The following RALYL variants were observed in gnomAD, a reference collection of about 807,000 sequenced individuals.
RALYL encodes RALY RNA binding protein like, also known as RNA-binding Raly-like protein.
RALYL carries 29 observed loss-of-function variants against 35.1 expected under a neutral mutation model. The observed-to-expected ratio is 0.83, with a 90% CI of 0.61 to 1.13. The LOEUF (loss-of-function observed/expected upper bound fraction) is 1.13, where lower values mean the gene tolerates loss of function less well. Among genes scored for constraint, RALYL ranks in the 50% most tolerant of loss-of-function variants. The probability of loss-of-function intolerance (pLI) is 0.00; values close to 1 mark genes in which losing one functional copy is unlikely to be tolerated. For missense variants in RALYL, 359 were observed against 360.4 expected, an observed-to-expected ratio of 1.00 and a Z score of 0.03; for synonymous variants, 120 against 127.6, an observed-to-expected ratio of 0.94 and a Z score of 0.40.
chr8:84,372,856 C>A (rs772612332), intron 1 of RALYL, among the ~76,000 whole-genome samples: 19 of 128,894 alleles, frequency 1.5e-4, no homozygotes, highest in Non-Finnish European at 2.5e-4. Context: ...TGTAAGTGTT[C>A]CCTTTTTCTC....
rs10504794 is a variant in RALYL, at chr8:84,237,348, C to G, written c.-24+52924C>G. Among the ~76,000 whole-genome samples the G allele has an allele frequency of 2.0e-5, 3 of 152,024 alleles. No homozygotes were observed. In the South Asian group the frequency reaches 6.2e-4, roughly 32 times the overall value. On this transcript the variant is annotated intron_variant, in intron 1 of 8. Transcript: ENST00000521268. ...GTACTAGAGAATCCTAAGGAAGAAT[C>G]TTAAAGGTATGCAGAGCAGAAGTGA...
intron 1 of RALYL, among the ~76,000 whole-genome samples, chr8:84,359,239 CT>C (rs5892912): frequency 0.68 from 99,245 of 146,988 alleles, 34,749 homozygotes; most frequent in African/African-American, 0.89. Context: ...ATTTTGAGAG[CT>C]TTTTTTTTTT....
Position 84,392,938 on chromosome 8 carries a change from A to G in RALYL, c.-23-136361A>G, listed in dbSNP as rs936807923. 5.9e-5 allele frequency among the ~76,000 whole-genome samples: 9 copies of G among 152,204 alleles called. No individual in the cohort carries two copies. The East Asian group carries it at 1.5e-3, about 26-fold the overall frequency. ...AATGTTATTCATTCACTGTTAGTCAATTGGCATTAAAGTGTTGCTTTCTGT... is the reference window on the plus strand; with the variant it reads ...AATGTTATTCATTCACTGTTAGTCAGTTGGCATTAAAGTGTTGCTTTCTGT... On this transcript the variant is annotated intron_variant, in intron 1 of 8. Coordinates refer to ENST00000521268, the MANE Select transcript of RALYL (RefSeq NM_173848.7).
At chr8:84,875,611 C>T (rs1278170347) in intron 7 of RALYL, among the ~76,000 whole-genome samples, 7 of 151,918 alleles carry the variant, frequency 4.6e-5, no homozygotes, top group African/African-American at 1.7e-4. Flanking sequence ...TAACTCCATT[C>T]TTTTAGTAAT....
intron 1 of RALYL, among the ~76,000 whole-genome samples, chr8:84,235,055 G>C: frequency 1.3e-5 from 2 of 152,134 alleles, no homozygotes; most frequent in South Asian, 4.1e-4. Context: ...GAGCCACCGC[G>C]CCGGGCCTAA....
intron 1 of RALYL, among the ~76,000 whole-genome samples, chr8:84,366,967 T>C (rs1854438231): frequency 6.6e-6 from 1 of 151,766 alleles, no homozygotes; most frequent in Non-Finnish European, 1.5e-5. Context: ...CCTAACATAC[T>C]AATATCTTAG....
chr8:84,361,444 A>G (rs902167759), intron 1 of RALYL, among the ~76,000 whole-genome samples: 1 of 152,174 alleles, frequency 6.6e-6, no homozygotes, highest in Admixed American at 6.5e-5. Flanking sequence ...TTGTACAGAG[A>G]AGAAACTGGG....
At chr8:84,476,660 T>G (rs569586848) in intron 1 of RALYL, among the ~76,000 whole-genome samples, 1 of 152,334 alleles carries the variant, frequency 6.6e-6, no homozygotes, top group East Asian at 1.9e-4. Context: ...TTGCCAAATT[T>G]CTCAAATAAT....
chr8:84,322,336 G>A (rs1237751849), intron 1 of RALYL, among the ~76,000 whole-genome samples: 1 of 151,826 alleles, frequency 6.6e-6, no homozygotes, highest in Non-Finnish European at 1.5e-5. Context: ...AAATAATTTT[G>A]GCAGAAAAAA....
intron 1 of RALYL, among the ~76,000 whole-genome samples, chr8:84,429,545 A>T (rs2046917626): frequency 6.6e-6 from 1 of 152,082 alleles, no homozygotes; most frequent in Admixed American, 6.6e-5. Flanking sequence ...AAAAACACAG[A>T]TACAGATACA....
chr8:84,604,430 A>G (rs953693327), intron 2 of RALYL, among the ~76,000 whole-genome samples: 1 of 152,128 alleles, frequency 6.6e-6, no homozygotes, highest in Admixed American at 6.6e-5. Context: ...CCTCCGTGCA[A>G]CTGTGAGGCT....
At chr8:84,857,953 T>C (rs1276070987) in intron 5 of RALYL, among the ~76,000 whole-genome samples, 1 of 152,150 alleles carries the variant, frequency 6.6e-6, no homozygotes, top group Non-Finnish European at 1.5e-5. Context: ...GCTTTGTTAA[T>C]ATGCCTTTGT....
At chr8:84,660,009 G>C (rs1830615243) in intron 2 of RALYL, among the ~76,000 whole-genome samples, 1 of 152,086 alleles carries the variant, frequency 6.6e-6, no homozygotes, top group Non-Finnish European at 1.5e-5. Context: ...TACCAATAGG[G>C]AGAGAATAAT....
intron 3 of RALYL, among the ~76,000 whole-genome samples, chr8:84,802,627 C>G (rs1319568890): frequency 6.6e-6 from 1 of 152,078 alleles, no homozygotes; most frequent in Non-Finnish European, 1.5e-5. Flanking sequence ...AGAAATCAAT[C>G]AATAAATACT....
At chr8:84,885,169 A>G (rs1842756689) in intron 7 of RALYL, among the ~76,000 whole-genome samples, 1 of 152,130 alleles carries the variant, frequency 6.6e-6, no homozygotes, top group African/African-American at 2.4e-5. Flanking sequence ...GTAGAGCACA[A>G]TGAATGATAT....
chr8:84,461,302 T>C (rs2050742363), intron 1 of RALYL, among the ~76,000 whole-genome samples: 1 of 151,660 alleles, frequency 6.6e-6, no homozygotes, highest in African/African-American at 2.4e-5. Context: ...TAAGAACTTT[T>C]ATCTGTTATC....
chr8:84,567,376 T>A (rs2061853687), intron 2 of RALYL, among the ~76,000 whole-genome samples: 1 of 151,758 alleles, frequency 6.6e-6, no homozygotes, highest in African/African-American at 2.4e-5. Context: ...CCCTCCCTTT[T>A]TGGAGTCCCC....
chr8:84,593,703 G>A (rs1813830965), intron 2 of RALYL, among the ~76,000 whole-genome samples: 1 of 151,996 alleles, frequency 6.6e-6, no homozygotes, highest in Non-Finnish European at 1.5e-5. Flanking sequence ...TTATCTCCAA[G>A]TTGATTCATT....
chr8:84,796,386 G>T (rs1821909224), intron 3 of RALYL, among the ~76,000 whole-genome samples: 1 of 152,102 alleles, frequency 6.6e-6, no homozygotes, highest in African/African-American at 2.4e-5. Context: ...CTGATCTTTG[G>T]TAGATCTCAG....
Sources: allele counts gnomAD v4.1 joint callset (sites outside exome capture counted in the v4.1 genomes callset), GRCh38; gene constraint gnomAD v4.1.1; transcripts MANE v1.5; gene names NCBI Gene and HGNC (gene_info 2026-07-23, HGNC 2026-07-21).